MBNL1: variants seen among roughly 807,000 people sequenced by gnomAD.
The protein encoded by MBNL1 is muscleblind-like protein 1.
Under a neutral mutation model 42.2 loss-of-function variants are expected in MBNL1, and 8 were observed. That is an observed-to-expected ratio of 0.19 (90% CI 0.11 to 0.34). The LOEUF is 0.34. Ranked by LOEUF, MBNL1 falls within the 10% of genes least tolerant of loss-of-function variation. The probability of loss-of-function intolerance (pLI) is 1.00; values close to 1 mark genes in which losing one functional copy is unlikely to be tolerated. For synonymous variants in MBNL1, 169 were observed against 173.9 expected, an observed-to-expected ratio of 0.97 and a Z score of 0.22; for missense variants, 309 against 495.3, an observed-to-expected ratio of 0.62 and a Z score of 3.57.
chr3:152,445,503 T>C lies in MBNL1; in HGVS notation c.771T>C (p.Ala257=), dbSNP rs2099209279. The C allele has an allele frequency of 1.9e-6, 3 of 1,610,996 alleles. 1 individual carries two copies. The East Asian group carries it at 6.7e-5, about 36-fold the overall frequency. The change falls in exon 5 of 10, where the codon GCT becomes GCC. Residue 257 remains alanine (A), a synonymous_variant. Coordinates refer to ENST00000324210, the MANE Select transcript of MBNL1 (RefSeq NM_021038.5). ...CTGCCCAATACCAGGTCAACCAGGC[T>C]GCAGCTGCACAGGCTGCAGCCACCG... ...IKAAQYQVNQ[A]AAAQAAATAA... is the part of the protein sequence containing the mutation.
Position 152,252,033 on chromosome 3 carries a change from A to G in MBNL1, n.333+7593A>G, listed in dbSNP as rs547536009. Among the ~76,000 whole-genome samples, 7 of 152,152 alleles carry G rather than the reference A, an allele frequency of 4.6e-5. No individual in the cohort carries two copies. In the South Asian group the frequency reaches 1.5e-3, roughly 32 times the overall value. ...ATTTATGTATCTGTTTGTTACTGGTATGGATTCATGAATTTCTTTTTTCCA... is the reference window on the plus strand; with the variant it reads ...ATTTATGTATCTGTTTGTTACTGGTGTGGATTCATGAATTTCTTTTTTCCA... On this transcript the variant is annotated intron_variant and non_coding_transcript_variant, in intron 2 of 2. Coordinates refer to the MBNL1 transcript ENST00000477171.
chr3:152,410,761 T>A (rs1243606971), intron 2 of MBNL1, among the ~76,000 whole-genome samples: 1 of 152,250 alleles, frequency 6.6e-6, no homozygotes, highest in Non-Finnish European at 1.5e-5. Context: ...CACAGAAACG[T>A]AACGTTGTAA....
chr3:152,366,022 C>T (rs1227234746), intron 2 of MBNL1, among the ~76,000 whole-genome samples: 1 of 152,112 alleles, frequency 6.6e-6, no homozygotes, highest in Non-Finnish European at 1.5e-5. Flanking sequence ...ACTGACATTT[C>T]AGGAGCCTTC....
chr3:152,268,253 G>A (rs1199971776), upstream of MBNL1: 1 of 156,118 alleles, frequency 6.4e-6, no homozygotes, highest in Non-Finnish European at 1.4e-5. Flanking sequence ...TAGAAGGAAA[G>A]CTGACATGTG....
chr3:152,342,106 T>A (rs2093371815), intron 2 of MBNL1, among the ~76,000 whole-genome samples: 1 of 152,200 alleles, frequency 6.6e-6, no homozygotes, highest in Non-Finnish European at 1.5e-5. Flanking sequence ...GCCTCACAGC[T>A]GGACACAGGA....
chr3:152,315,866 A>ACACT (rs1386917017), intron 2 of MBNL1, among the ~76,000 whole-genome samples: 41 of 149,190 alleles, frequency 2.7e-4, no homozygotes, highest in African/African-American at 8.7e-4. Context: ...ACACACACAC[A>ACACT]CTCTCTCTCT....
At chr3:152,462,168 T>TA (rs1230644193) in intron 9 of MBNL1, among the ~76,000 whole-genome samples, 4 of 152,176 alleles carry the variant, frequency 2.6e-5, no homozygotes, top group African/African-American at 9.6e-5. Flanking sequence ...GAGCACATTC[T>TA]ACAGTTTTAT....
At chr3:152,355,394 A>G (rs1445746123) in intron 2 of MBNL1, among the ~76,000 whole-genome samples, 1 of 152,268 alleles carries the variant, frequency 6.6e-6, no homozygotes, top group Non-Finnish European at 1.5e-5. Context: ...AATTAGACAT[A>G]CATAAATTTT....
chr3:152,424,837 A>G (rs893774375), intron 3 of MBNL1, among the ~76,000 whole-genome samples: 3 of 152,218 alleles, frequency 2.0e-5, no homozygotes, highest in Admixed American at 6.5e-5. Context: ...TTCTGTATAT[A>G]ATACATGGTG....
At chr3:152,257,897 C>T (rs1200423509) in intron 2 of MBNL1, among the ~76,000 whole-genome samples, 2 of 152,126 alleles carry the variant, frequency 1.3e-5, no homozygotes, top group African/African-American at 4.8e-5. Flanking sequence ...TGCTTGGCTT[C>T]ATTTGACTTG....
intron 1 of MBNL1, among the ~76,000 whole-genome samples, chr3:152,277,539 C>T (rs2045964313): frequency 6.6e-6 from 1 of 152,130 alleles, no homozygotes; most frequent in Admixed American, 6.5e-5. Context: ...CCTTAATAAT[C>T]AGTCACTATT....
chr3:152,381,336 A>G (rs2097171909), intron 2 of MBNL1, among the ~76,000 whole-genome samples: 1 of 152,020 alleles, frequency 6.6e-6, no homozygotes, highest in Non-Finnish European at 1.5e-5. Flanking sequence ...AGCCCATGGC[A>G]TATTGAGCTA....
intron 2 of MBNL1, among the ~76,000 whole-genome samples, chr3:152,346,252 C>T (rs911740727): frequency 3.9e-5 from 6 of 152,004 alleles, no homozygotes; most frequent in African/African-American, 9.7e-5. Context: ...AGTATAGTGC[C>T]GCTTTGGAAA....
chr3:152,328,210 G>T (rs993830170), intron 2 of MBNL1, among the ~76,000 whole-genome samples: 7 of 152,068 alleles, frequency 4.6e-5, no homozygotes, highest in African/African-American at 1.7e-4. Flanking sequence ...CTAAAGGCTT[G>T]TGAACGTTTT....
chr3:152,250,730 C>G (rs1252401934), intron 2 of MBNL1, among the ~76,000 whole-genome samples: 5 of 150,880 alleles, frequency 3.3e-5, no homozygotes, highest in African/African-American at 7.3e-5. Context: ...AGTTTTTGCC[C>G]ATTCAGTATG....
intron 2 of MBNL1, among the ~76,000 whole-genome samples, chr3:152,353,969 G>A (rs2095313513): frequency 1.3e-5 from 2 of 152,050 alleles, no homozygotes; most frequent in Non-Finnish European, 2.9e-5. Context: ...AAGTGAAAGA[G>A]GTAATTTGGT....
At chr3:152,286,904 A>G (rs888860327) in intron 1 of MBNL1, among the ~76,000 whole-genome samples, 1 of 152,122 alleles carries the variant, frequency 6.6e-6, no homozygotes, top group Admixed American at 6.5e-5. Context: ...TAAAACATAA[A>G]TGGTTTGAGG....
In MBNL1 at chr3:152,399,067, A is replaced by G. The variant is rs912067177; in HGVS notation, c.175-15874A>G. Among the ~76,000 whole-genome samples the G allele has an allele frequency of 9.9e-5, 15 of 152,264 alleles. 1 individual carries two copies. In the South Asian group the frequency reaches 2.5e-3, roughly 25 times the overall value. ...TCTTTGCCCTATAACCTTATATTCT[A>G]TTAATAGCTATTTATATGCGTGCCT... On this transcript the variant is annotated intron_variant, in intron 2 of 9. Transcript: ENST00000324210.
chr3:152,338,262 T>C (rs184285152), intron 2 of MBNL1: 72 of 984,542 alleles, frequency 7.3e-5, no homozygotes, highest in Non-Finnish European at 8.7e-5. Flanking sequence ...AAGCACTACC[T>C]GAGCTCTGTG....
Sources: gnomAD v4.1 joint callset for allele counts (sites outside exome capture counted in the v4.1 genomes callset) on GRCh38, gnomAD v4.1.1 for gene constraint, MANE v1.5 for transcripts, NCBI Gene and HGNC (gene_info 2026-07-23, HGNC 2026-07-21) for gene names.